RBFOX1: variants seen among roughly 807,000 people sequenced by gnomAD.
RBFOX1 encodes RNA binding protein fox-1 homolog 1.
A neutral mutation model predicts 57.7 loss-of-function variants in RBFOX1; 8 were observed. The ratio of observed to expected loss-of-function variants is 0.14; its 90% CI spans 0.08 to 0.25. The LOEUF (loss-of-function observed/expected upper bound fraction) is 0.25. Ranked by LOEUF, RBFOX1 falls within the 10% of genes least tolerant of loss-of-function variation. The pLI is 1.00. For synonymous variants in RBFOX1, 326 were observed against 222.4 expected, an observed-to-expected ratio of 1.47 and a Z score of -4.15; for missense variants, 611 against 548.5, an observed-to-expected ratio of 1.11 and a Z score of -1.14.
chr16:6,658,507 G>A (rs564524332), intron 3 of RBFOX1, among the ~76,000 whole-genome samples: 2 of 152,086 alleles, frequency 1.3e-5, no homozygotes, highest in East Asian at 3.9e-4. Flanking sequence ...ACACCCGGCC[G>A]AGAGCCCTCA....
chr16:6,899,234 TC>T (rs563689342), intron 3 of RBFOX1, among the ~76,000 whole-genome samples: 17 of 152,182 alleles, frequency 1.1e-4, no homozygotes, highest in African/African-American at 3.4e-4. Flanking sequence ...TGGATGCGTG[TC>T]CATGTGTATG....
chr16:6,578,588 G>GGTGTGTGTGT (rs1344034811), intron 2 of RBFOX1, among the ~76,000 whole-genome samples: 1 of 11,170 alleles, frequency 9.0e-5, no homozygotes, highest in Non-Finnish European at 3.0e-4. Context: ...TATGGGTATT[G>GGTGTGTGTGT]GTGTGTGTGC....
At chr16:6,741,151 C>T (rs896955177) in intron 3 of RBFOX1, among the ~76,000 whole-genome samples, 1 of 152,030 alleles carries the variant, frequency 6.6e-6, no homozygotes, top group East Asian at 1.9e-4. Flanking sequence ...GGTGCTGGAA[C>T]AATTGGCTAT....
intron 3 of RBFOX1, among the ~76,000 whole-genome samples, chr16:6,987,130 C>A (rs1461153654): frequency 5.9e-5 from 9 of 151,952 alleles, no homozygotes. Context: ...GTGTAGTGGG[C>A]CTAATAATGG....
intron 2 of RBFOX1, among the ~76,000 whole-genome samples, chr16:6,433,155 C>A (rs1377652668): frequency 6.6e-6 from 1 of 152,096 alleles, no homozygotes; most frequent in Non-Finnish European, 1.5e-5. Flanking sequence ...GCTGCCTTGG[C>A]CCCACATGGG....
intron 3 of RBFOX1, among the ~76,000 whole-genome samples, chr16:5,613,479 C>T (rs1347864147): frequency 1.3e-5 from 2 of 152,116 alleles, no homozygotes; most frequent in Non-Finnish European, 2.9e-5. Flanking sequence ...GATTATGGCT[C>T]CCAGAAGCTG....
chr16:5,669,508 C>G (rs1285432971), intron 3 of RBFOX1, among the ~76,000 whole-genome samples: 1 of 147,302 alleles, frequency 6.8e-6, no homozygotes, highest in Non-Finnish European at 1.5e-5. Flanking sequence ...CAACCTCCAA[C>G]TCCCTGGTTC....
chr16:6,991,723 G>A (rs1308814203), intron 3 of RBFOX1, among the ~76,000 whole-genome samples: 1 of 152,080 alleles, frequency 6.6e-6, no homozygotes, highest in Non-Finnish European at 1.5e-5. Context: ...TTTTGGTAGA[G>A]GTGGGGTTTC....
intron 2 of RBFOX1, among the ~76,000 whole-genome samples, chr16:6,434,355 G>A (rs1398190253): frequency 6.6e-6 from 1 of 152,034 alleles, no homozygotes; most frequent in Non-Finnish European, 1.5e-5. Context: ...CTTCCTTACT[G>A]GCATGGGTTC....
intron 3 of RBFOX1, among the ~76,000 whole-genome samples, chr16:5,686,230 G>T (rs1049033906): frequency 6.6e-6 from 1 of 152,188 alleles, no homozygotes; most frequent in Non-Finnish European, 1.5e-5. Flanking sequence ...GCTGCCTGGG[G>T]AAGGGGAACA....
At chr16:6,840,189 A>C (rs2093380384) in intron 3 of RBFOX1, among the ~76,000 whole-genome samples, 1 of 152,208 alleles carries the variant, frequency 6.6e-6, no homozygotes, top group Non-Finnish European at 1.5e-5. Flanking sequence ...AAAGCACCAT[A>C]AATCACTGGA....
At chr16:7,007,651 C>A (rs554179206) in intron 3 of RBFOX1, among the ~76,000 whole-genome samples, 1 of 152,234 alleles carries the variant, frequency 6.6e-6, no homozygotes, top group East Asian at 1.9e-4. Flanking sequence ...TCTACTCTTT[C>A]TTGTTTGGAA....
intron 3 of RBFOX1, among the ~76,000 whole-genome samples, chr16:6,895,488 T>TA (rs1567761887): frequency 3.0e-3 from 196 of 65,338 alleles, no homozygotes; most frequent in African/African-American, 6.5e-3. Context: ...ATATATATAT[T>TA]TATTCCCCTA....
Position 6,372,974 on chromosome 16 carries a change from C to T in RBFOX1, c.-64+55917C>T, listed in dbSNP as rs933479956. ...AATGGAGATTGGGTGGAAGTATAGT[C>T]GGATGGGAGGGTGGTTGGTAAGGAT... On this transcript the variant is annotated intron_variant, in intron 2 of 15. Coordinates refer to ENST00000550418, the MANE Select transcript of RBFOX1 (RefSeq NM_018723.4). Among the ~76,000 whole-genome samples the T allele has an allele frequency of 1.1e-3, 163 of 142,814 alleles. 2 individuals are homozygous for T. The highest frequency in any genetic ancestry group is 4.1e-3 in the African/African-American group (157 of 37,856). The allele number at this position is 142,814 out of a possible 152,430, so 93.7% of individuals were successfully genotyped here.
chr16:6,334,663 G>T (rs1271876499), intron 2 of RBFOX1, among the ~76,000 whole-genome samples: 1 of 152,298 alleles, frequency 6.6e-6, no homozygotes, highest in Non-Finnish European at 1.5e-5. Flanking sequence ...ATAAGACAGA[G>T]GACAGGCAAG....
At chr16:5,617,076 C>A (rs2048049832) in intron 3 of RBFOX1, among the ~76,000 whole-genome samples, 2 of 151,766 alleles carry the variant, frequency 1.3e-5, no homozygotes, top group South Asian at 4.2e-4. Flanking sequence ...TCAGATCTAG[C>A]CATCCATTCC....
intron 1 of RBFOX1, among the ~76,000 whole-genome samples, chr16:6,167,631 C>G (rs1023455027): frequency 6.6e-6 from 1 of 152,184 alleles, no homozygotes; most frequent in Non-Finnish European, 1.5e-5. Flanking sequence ...AGAGCTTGCT[C>G]AAATATTATA....
intron 4 of RBFOX1, among the ~76,000 whole-genome samples, chr16:7,404,512 C>A (rs916149274): frequency 6.6e-6 from 1 of 152,128 alleles, no homozygotes; most frequent in African/African-American, 2.4e-5. Flanking sequence ...GCATAAATGA[C>A]CTCCATAGAT....
chr16:6,291,558 C>T (rs923307496), intron 1 of RBFOX1, among the ~76,000 whole-genome samples: 29 of 152,316 alleles, frequency 1.9e-4, no homozygotes, highest in African/African-American at 6.5e-4. Flanking sequence ...TTTTCTTCCT[C>T]GGTGTAATGG....
Sources: gnomAD v4.1 joint callset for allele counts (sites outside exome capture counted in the v4.1 genomes callset) on GRCh38, gnomAD v4.1.1 for gene constraint, MANE v1.5 for transcripts, NCBI Gene and HGNC (gene_info 2026-07-23, HGNC 2026-07-21) for gene names.